ATG10: variants seen among roughly 807,000 people sequenced by gnomAD.
The protein encoded by ATG10 is autophagy related 10.
A neutral mutation model predicts 32.1 loss-of-function variants in ATG10; 30 were observed. The observed-to-expected ratio is 0.94, with a 90% confidence interval of 0.70 to 1.27. ATG10 has a LOEUF of 1.27. Ranked by LOEUF, ATG10 falls within the 50% of genes most tolerant of loss-of-function variation. ATG10 has a pLI of 0.00. For missense variants in ATG10, 233 were observed against 262.3 expected (o/e 0.89, Z 0.77); for synonymous variants, 87 against 91.5 (o/e 0.95, Z 0.28).
intron 3 of ATG10, among the ~76,000 whole-genome samples, chr5:82,136,246 A>G (rs2149849509): frequency 6.6e-6 from 1 of 152,234 alleles, no homozygotes; most frequent in South Asian, 2.1e-4. Context: ...ATATTGTTAT[A>G]TGTGAATTTG....
chr5:81,980,286 A>C (rs1455685723), intron 1 of ATG10, among the ~76,000 whole-genome samples: 1 of 152,146 alleles, frequency 6.6e-6, no homozygotes, highest in Non-Finnish European at 1.5e-5. Context: ...GTGTAAGTCC[A>C]TTACAGGAGC....
At chr5:82,085,613 A>C (rs1314081609) in intron 3 of ATG10, among the ~76,000 whole-genome samples, 3 of 152,004 alleles carry the variant, frequency 2.0e-5, no homozygotes. Context: ...CCTTGTGTCC[A>C]TGTACCCTAG....
chr5:82,147,229 C>T (rs1464260840), intron 3 of ATG10: 3 of 233,810 alleles, frequency 1.3e-5, no homozygotes, highest in African/African-American at 2.4e-5. Flanking sequence ...AGTGCAGTTG[C>T]GTGATCTCAG....
intron 3 of ATG10, among the ~76,000 whole-genome samples, chr5:82,139,607 A>C (rs1561320681): frequency 6.1e-5 from 7 of 115,058 alleles, no homozygotes; most frequent in African/African-American, 1.1e-4. Context: ...TCCGCCCGGC[A>C]GCCACCCCAT....
intron 3 of ATG10, among the ~76,000 whole-genome samples, chr5:82,062,743 T>C (rs1763824535): frequency 6.6e-6 from 1 of 152,136 alleles, no homozygotes; most frequent in Non-Finnish European, 1.5e-5. Flanking sequence ...AGTTGGAAAC[T>C]AACCCTTATT....
intron 2 of ATG10, among the ~76,000 whole-genome samples, chr5:82,045,258 A>C (rs1016734301): frequency 2.6e-5 from 4 of 152,238 alleles, no homozygotes; most frequent in Admixed American, 6.5e-5. Context: ...TTAATACAGA[A>C]GTATTTGAAG....
At chr5:82,225,814 A>G (rs1468875599) in intron 5 of ATG10, among the ~76,000 whole-genome samples, 1 of 152,236 alleles carries the variant, frequency 6.6e-6, no homozygotes, top group African/African-American at 2.4e-5. Context: ...ACTTGACTCC[A>G]TTAGAGCAAA....
intron 3 of ATG10, among the ~76,000 whole-genome samples, chr5:82,110,836 T>C (rs933222368): frequency 7.2e-5 from 11 of 152,082 alleles, no homozygotes; most frequent in Admixed American, 2.0e-4. Context: ...TGTATGCCTG[T>C]TATTTTAAAT....
chr5:82,192,745 A>G (rs1231059007), intron 5 of ATG10, among the ~76,000 whole-genome samples: 1 of 152,234 alleles, frequency 6.6e-6, no homozygotes, highest in Non-Finnish European at 1.5e-5. Flanking sequence ...AAGGAAAAGC[A>G]GTGGACACAA....
At chr5:82,165,637 C>T (rs189420152) in intron 4 of ATG10, among the ~76,000 whole-genome samples, 2 of 152,290 alleles carry the variant, frequency 1.3e-5, no homozygotes, top group Admixed American at 1.3e-4. Flanking sequence ...ACTGATAGTT[C>T]ACTAATTCAC....
intron 3 of ATG10, among the ~76,000 whole-genome samples, chr5:82,146,833 CAGTG>C (rs761167784): frequency 6.6e-6 from 1 of 152,070 alleles, no homozygotes; most frequent in Non-Finnish European, 1.5e-5. Context: ...ATTTTTTCCT[CAGTG>C]AGCATACTTA....
intron 5 of ATG10, among the ~76,000 whole-genome samples, chr5:82,191,120 C>T (rs1159442187): frequency 6.6e-6 from 1 of 152,200 alleles, no homozygotes; most frequent in African/African-American, 2.4e-5. Context: ...TGATCATAAT[C>T]ATTCTTCTTA....
intron 2 of ATG10, among the ~76,000 whole-genome samples, chr5:82,034,091 T>A (rs1244481392): frequency 6.6e-6 from 1 of 151,118 alleles, no homozygotes; most frequent in Non-Finnish European, 1.5e-5. Context: ...ATATATATCA[T>A]ATCATGATAG....
intron 2 of ATG10, among the ~76,000 whole-genome samples, chr5:82,011,013 CAGGTCTT>C: frequency 6.6e-6 from 1 of 152,230 alleles, no homozygotes; most frequent in Admixed American, 6.5e-5. Flanking sequence ...AATAGAAACC[CAGGTCTT>C]TGGACCACTG....
intron 3 of ATG10, among the ~76,000 whole-genome samples, chr5:82,147,019 C>T (rs1426456208): frequency 1.3e-5 from 2 of 152,086 alleles, no homozygotes; most frequent in Non-Finnish European, 2.9e-5. Context: ...CTGTTATGTT[C>T]TGAAGGCTGT....
intron 2 of ATG10, among the ~76,000 whole-genome samples, chr5:82,010,292 T>C (rs1487209792): frequency 6.6e-6 from 1 of 152,210 alleles, no homozygotes; most frequent in African/African-American, 2.4e-5. Flanking sequence ...ATTCCCCTCA[T>C]ATGTGGGGAA....
At chr5:82,089,390 A>T (rs189806786) in intron 3 of ATG10, among the ~76,000 whole-genome samples, 1 of 152,306 alleles carries the variant, frequency 6.6e-6, no homozygotes, top group East Asian at 1.9e-4. Context: ...AGACACATAC[A>T]GCAATGGGAC....
chr5:82,093,371 C>T (rs1465463941), intron 3 of ATG10, among the ~76,000 whole-genome samples: 1 of 152,108 alleles, frequency 6.6e-6, no homozygotes, highest in African/African-American at 2.4e-5. Flanking sequence ...TTTTCTTCTG[C>T]AGTGTCTAAT....
chr5:82,215,935 C>T (rs1040221767), intron 5 of ATG10, among the ~76,000 whole-genome samples: 1 of 124,096 alleles, frequency 8.1e-6, no homozygotes, highest in South Asian at 2.6e-4. Context: ...AACTCCATCT[C>T]AAAAAAAAAA....
Sources: allele counts gnomAD v4.1 joint callset (sites outside exome capture counted in the v4.1 genomes callset), GRCh38; gene constraint gnomAD v4.1.1; transcripts MANE v1.5; gene names NCBI Gene and HGNC (gene_info 2026-07-23, HGNC 2026-07-21).